SUFU: variants seen among roughly 807,000 people sequenced by gnomAD.
SUFU encodes the protein SUFU negative regulator of hedgehog signaling, also known as suppressor of fused homolog.
A neutral mutation model predicts 58.9 loss-of-function variants in SUFU; 7 were observed. The observed-to-expected ratio is 0.12, with a 90% CI of 0.07 to 0.22. SUFU has a LOEUF of 0.22. SUFU is among the 10% of genes least tolerant of loss of function. The pLI, the probability that SUFU is intolerant of heterozygous loss-of-function variation, is 1.00. For synonymous variants in SUFU, 232 were observed against 254.8 expected (o/e 0.91, Z 0.85); for missense variants, 451 against 641.3 (o/e 0.70, Z 3.20).
chr10:102,568,897 A>C (rs4917972), intron 3 of SUFU, among the ~76,000 whole-genome samples: 2 of 17,030 alleles, frequency 1.2e-4, no homozygotes, highest in Non-Finnish European at 9.6e-5. Context: ...AAAAAAAAAA[A>C]ATATATATAT....
At chr10:102,562,701 G>C (rs2063050742) in intron 3 of SUFU, among the ~76,000 whole-genome samples, 1 of 152,138 alleles carries the variant, frequency 6.6e-6, no homozygotes, top group South Asian at 2.1e-4. Flanking sequence ...GACCAGGCTG[G>C]ACAACATGGT....
At chr10:102,514,380 T>G (rs2062439536) in intron 2 of SUFU, among the ~76,000 whole-genome samples, 1 of 152,180 alleles carries the variant, frequency 6.6e-6, no homozygotes, top group Non-Finnish European at 1.5e-5. Context: ...GTATGATGAT[T>G]TGATAAGCCT....
chr10:102,626,940 C>T (rs2063791671), intron 10 of SUFU, among the ~76,000 whole-genome samples: 1 of 152,122 alleles, frequency 6.6e-6, no homozygotes, highest in Non-Finnish European at 1.5e-5. Context: ...CCCTCCCCTC[C>T]CCATTGTCCC....
At chr10:102,519,527 C>A (rs1288855897) in intron 2 of SUFU, among the ~76,000 whole-genome samples, 162 of 127,336 alleles carry the variant, frequency 1.3e-3, no homozygotes, top group Middle Eastern at 4.0e-3. Context: ...AACTCTGTCT[C>A]AAAAAAAAAA....
At chr10:102,573,348 G>A (rs2063182303) in intron 3 of SUFU, 4 of 423,208 alleles carry the variant, frequency 9.5e-6, no homozygotes, top group Non-Finnish European at 1.8e-5. Context: ...ATGTTAGCAA[G>A]CATGTGAAGA....
At position 102,518,263 on chromosome 10, in the gene SUFU, A is replaced by G. The variant is rs554966282; in HGVS notation, c.317+8960A>G. Among the ~76,000 whole-genome samples the G allele has an allele frequency of 7.9e-5, 12 of 152,244 alleles. No homozygotes were observed. The South Asian group carries it at 1.9e-3, about 24-fold the overall frequency. On this transcript the variant is annotated intron_variant, in intron 2 of 11. Transcript: ENST00000369902. ...AACTGAGATGCAGAAATGTTAAGGA[A>G]CTCATCCACCCAGCCAGTGAATGCT...
rs979584626 is a variant in SUFU at position 102,629,162 on chromosome 10, A to T, written c.1366-904A>T. 2.6e-5 allele frequency among the ~76,000 whole-genome samples: 4 copies of T among 152,176 alleles called. No homozygotes were observed. Among genetic ancestry groups the T allele is most frequent in the Non-Finnish European group, 5.9e-5 (4 of 68,030 alleles). On this transcript the variant is annotated intron_variant, in intron 11 of 11. Transcript: ENST00000369902. The surrounding 1 kb of genome is among the most constrained non-coding windows in gnomAD (Gnocchi z 4.7). ...CAAGAGCGAAACTCCGTCTCAAAAG[A>T]AAAAGAAAAGACAGACCCTGTGTCT...
chr10:102,597,125 G>T lies in SUFU; in HGVS notation c.757-15G>T, dbSNP rs1564698642. ...TCTCTGAAAGAACTCTGGCTCTTTG[G>T]TTCTTTTCAAGCAGGAGAGAGTTGA... On this transcript the variant is annotated splice_polypyrimidine_tract_variant and intron_variant, in intron 6 of 11. Coordinates refer to ENST00000369902, the MANE Select transcript of SUFU (RefSeq NM_016169.4). The T allele has an allele frequency of 1.9e-6, 3 of 1,614,002 alleles. No homozygotes were observed. Among genetic ancestry groups the T allele is most frequent in the African/African-American group, 2.7e-5 (2 of 75,020 alleles).
intron 2 of SUFU, among the ~76,000 whole-genome samples, chr10:102,523,408 G>A (rs7074343): frequency 0.35 from 53,320 of 152,028 alleles, 9,515 homozygotes; most frequent in African/African-American, 0.39. Context: ...GGCCATGGCT[G>A]TAGGGAAGAG....
At chr10:102,584,628 T>C (rs910597965) in intron 3 of SUFU, among the ~76,000 whole-genome samples, 55 of 152,218 alleles carry the variant, frequency 3.6e-4, no homozygotes, top group African/African-American at 1.3e-3. Context: ...AACATTTTGT[T>C]ATATTATCCT....
intron 8 of SUFU, among the ~76,000 whole-genome samples, chr10:102,602,976 A>G (rs1021745372): frequency 6.6e-6 from 1 of 152,156 alleles, no homozygotes; most frequent in African/African-American, 2.4e-5. Context: ...CCTTTGTGCC[A>G]CATGAGGACA....
chr10:102,560,759 T>C (rs553301185), intron 3 of SUFU, among the ~76,000 whole-genome samples: 2 of 152,326 alleles, frequency 1.3e-5, no homozygotes, highest in African/African-American at 2.4e-5. Flanking sequence ...GACATTTGGG[T>C]CATTTCTAAT....
At chr10:102,587,265 T>C (rs1458772923) in intron 3 of SUFU, among the ~76,000 whole-genome samples, 1 of 152,202 alleles carries the variant, frequency 6.6e-6, no homozygotes, top group African/African-American at 2.4e-5. Flanking sequence ...TTTAAATTTT[T>C]TTTGCAGAAC....
In SUFU at chr10:102,586,073, C is replaced by T. The variant is rs185527527; in HGVS notation, c.455-6509C>T. ...CTAATATTTGTATTTTTAGTAGAGA[C>T]GGGGTTTCACCATGTTGGCCAGGCT... On this transcript the variant is annotated intron_variant, in intron 3 of 11. Transcript: ENST00000369902. Among the ~76,000 whole-genome samples, 468 of 151,324 alleles carry T rather than the reference C, an allele frequency of 3.1e-3. 4 individuals carry two copies. The highest frequency in any genetic ancestry group is 0.011 in the African/African-American group (449 of 41,312).
chr10:102,562,845 C>T (rs1056319180), intron 3 of SUFU, among the ~76,000 whole-genome samples: 1 of 152,138 alleles, frequency 6.6e-6, no homozygotes. Context: ...GAGCTGAGAT[C>T]GTGCCATTGC....
chr10:102,606,025 A>G (rs1323706896), intron 8 of SUFU, among the ~76,000 whole-genome samples: 2 of 152,206 alleles, frequency 1.3e-5, no homozygotes, highest in African/African-American at 4.8e-5. Context: ...GAATGGGACC[A>G]ATGCCCTTTA....
At chr10:102,607,921 AAAAAG>A (rs957477438) in intron 8 of SUFU, among the ~76,000 whole-genome samples, 3 of 151,534 alleles carry the variant, frequency 2.0e-5, no homozygotes, top group Non-Finnish European at 4.4e-5. Flanking sequence ...AAACAAAAAA[AAAAAG>A]AAAAGAAAGA....
At chr10:102,511,568 A>G (rs745526419) in intron 2 of SUFU, among the ~76,000 whole-genome samples, 27 of 152,136 alleles carry the variant, frequency 1.8e-4, no homozygotes, top group Admixed American at 5.2e-4. Flanking sequence ...TAAATGCTTT[A>G]CAATCTTATC....
chr10:102,569,141 A>T (rs554827328), intron 3 of SUFU, among the ~76,000 whole-genome samples: 20 of 151,584 alleles, frequency 1.3e-4, no homozygotes, highest in African/African-American at 4.8e-4. Flanking sequence ...GCGTCCAATT[A>T]TCTCAGGATC....
Sources: allele counts gnomAD v4.1 joint callset (sites outside exome capture counted in the v4.1 genomes callset), GRCh38; gene constraint gnomAD v4.1.1; non-coding constraint Gnocchi (gnomAD v3.1); transcripts MANE v1.5; gene names NCBI Gene and HGNC (gene_info 2026-07-23, HGNC 2026-07-21).